Variants in COA1 observed in about 807,000 individuals in gnomAD.
COA1 encodes cytochrome c oxidase assembly factor 1 homolog.
Under a neutral mutation model 16.0 loss-of-function variants are expected in COA1, and 13 were observed. The ratio of observed to expected loss-of-function variants is 0.81; its 90% confidence interval spans 0.53 to 1.29. The LOEUF is 1.29. Among genes scored for constraint, COA1 ranks in the 50% most tolerant of loss-of-function variants. The probability of loss-of-function intolerance (pLI) is 0.00; values close to 1 mark genes in which losing one functional copy is unlikely to be tolerated. For synonymous variants in COA1, 65 were observed against 65.7 expected (o/e 0.99, Z 0.05); for missense variants, 179 against 177.0 (o/e 1.01, Z -0.06).
rs769907468 is a variant in COA1 at position 43,645,338 on chromosome 7, C to G, written c.177G>C (p.Glu59Asp). The G allele has an allele frequency of 6.2e-7, 1 of 1,614,040 alleles. No individual in the cohort carries two copies. The highest frequency in any genetic ancestry group is 2.2e-5 in the East Asian group (1 of 44,874). Residue 59 changes from glutamate (E) to aspartate (D), a missense_variant, in exon 4 of 6, where the codon GAG becomes GAC. Transcript: ENST00000223336. ...GAGGAGGGCCCAGAGCTTCCTGTGC[C>G]TCGGGATGGCTCTGCAGCTGCTCCA... ...LAVEQLQSHP[E>D]AQEALGPPLN...
chr7:43,681,588 G>T (rs548863350), intron 1 of COA1, among the ~76,000 whole-genome samples: 1 of 152,082 alleles, frequency 6.6e-6, no homozygotes, highest in Non-Finnish European at 1.5e-5. Context: ...TAATGGCAGG[G>T]TATTGTAGAC....
At chr7:43,666,651 C>T (rs542140582) in intron 1 of COA1, among the ~76,000 whole-genome samples, 2 of 152,154 alleles carry the variant, frequency 1.3e-5, no homozygotes, top group Non-Finnish European at 2.9e-5. Flanking sequence ...TGGTCTAAAT[C>T]ATACAACTTA....
intron 4 of COA1, 29 bp downstream of exon 4, chr7:43,645,222 G>C: frequency 6.2e-7 from 1 of 1,609,922 alleles, no homozygotes; most frequent in Middle Eastern, 1.7e-4. Flanking sequence ...GCAGGCACCA[G>C]CCTGCGGTTC....
chr7:43,671,093 G>C (rs561431068), intron 1 of COA1, among the ~76,000 whole-genome samples: 10 of 152,214 alleles, frequency 6.6e-5, no homozygotes, highest in African/African-American at 1.9e-4. Context: ...AATAATAAAT[G>C]AAGTTGGAAC....
chr7:43,675,566 A>G (rs895610757), intron 1 of COA1, among the ~76,000 whole-genome samples: 1 of 152,168 alleles, frequency 6.6e-6, no homozygotes, highest in Admixed American at 6.5e-5. Flanking sequence ...AAACCTGCAC[A>G]TTGTGCACAT....
At chr7:43,685,435 C>T (rs1016229944) in intron 1 of COA1, among the ~76,000 whole-genome samples, 2 of 152,182 alleles carry the variant, frequency 1.3e-5, no homozygotes, top group Non-Finnish European at 2.9e-5. Context: ...TATATATCAA[C>T]AATTTTCTCA....
intron 6 of COA1, among the ~76,000 whole-genome samples, chr7:43,629,934 G>T (rs1018788020): frequency 2.0e-5 from 3 of 152,138 alleles, no homozygotes; most frequent in Non-Finnish European, 2.9e-5. Context: ...ACTTAATTTT[G>T]GGTTTCTTTT....
At chr7:43,647,144 G>A in intron 3 of COA1, 1 of 229,494 alleles carries the variant, frequency 4.4e-6, no homozygotes, top group Admixed American at 5.2e-5. Flanking sequence ...GAATGAAAGT[G>A]CAAAAAAAGT....
intron 1 of COA1, 181 bp from the exon 2 acceptor site, chr7:43,648,833 T>A: frequency 1.8e-6 from 1 of 545,334 alleles, no homozygotes; most frequent in Non-Finnish European, 3.2e-6. Context: ...TGCTGCCAAA[T>A]TAGGAAGAAA....
chr7:43,611,251 C>T (rs932447283), intron 6 of COA1, among the ~76,000 whole-genome samples: 1 of 152,158 alleles, frequency 6.6e-6, no homozygotes, highest in African/African-American at 2.4e-5. Flanking sequence ...AAAATTTACT[C>T]GTTTCCTACA....
At chr7:43,612,233 C>T (rs2082944270) in intron 6 of COA1, among the ~76,000 whole-genome samples, 3 of 152,218 alleles carry the variant, frequency 2.0e-5, no homozygotes, top group African/African-American at 7.2e-5. Flanking sequence ...GGTTCTCAGC[C>T]TTCCTTCTGC....
intron 1 of COA1, among the ~76,000 whole-genome samples, chr7:43,723,959 G>A (rs569461999): frequency 6.6e-6 from 1 of 152,182 alleles, no homozygotes; most frequent in South Asian, 2.1e-4. Flanking sequence ...TTGGATCATA[G>A]AGATGTTTAC....
Position 43,639,367 on chromosome 7 carries a change from C to T in COA1, c.*215G>A, listed in dbSNP as rs1584146829. 7.3e-6 allele frequency: 3 copies of T among 408,452 alleles called. No individual in the cohort carries two copies. The highest frequency in any genetic ancestry group is 5.0e-5 in the South Asian group (1 of 20,188). 25.3% of individuals were successfully genotyped at this position (408,452 alleles called of 1,614,324 possible). A position where few individuals can be genotyped will look rare whatever the true frequency, so the allele number is the denominator to read the frequency against. ...TTAAATTTATAATAGGAGTTTCTTT[C>T]GGATTCAGTTTAAAAATGACAAATA... On this transcript the variant is annotated 3_prime_UTR_variant, in exon 6 of 6. Transcript: ENST00000223336.
chr7:43,692,078 AC>A (rs1189324811), intron 1 of COA1, among the ~76,000 whole-genome samples: 1 of 152,092 alleles, frequency 6.6e-6, no homozygotes, highest in East Asian at 1.9e-4. Flanking sequence ...TCACACAAAG[AC>A]CCAGAGAGAG....
intron 1 of COA1, among the ~76,000 whole-genome samples, chr7:43,669,993 T>C (rs763279130): frequency 3.0e-4 from 45 of 152,046 alleles, no homozygotes; most frequent in Non-Finnish European, 6.3e-4. Flanking sequence ...AATAGAAATC[T>C]GGGCTGAAGC....
Position 43,699,068 on chromosome 7 carries a change from C to T in COA1, c.-39+30361G>A, listed in dbSNP as rs147153197. 4.6e-5 allele frequency among the ~76,000 whole-genome samples: 7 copies of T among 152,230 alleles called. No homozygotes were observed. The East Asian group carries it at 1.2e-3, about 25-fold the overall frequency. On this transcript the variant is annotated intron_variant, in intron 1 of 5. Transcript: ENST00000223336. Reference sequence around the variant, plus strand: ...TAGGGCTTGGGAAAACTCAGAACAGCGTGGGTTAGGAAAGCTACAATTATA... The same window carrying T: ...TAGGGCTTGGGAAAACTCAGAACAGTGTGGGTTAGGAAAGCTACAATTATA...
chr7:43,684,757 C>A (rs1200797777), intron 1 of COA1, among the ~76,000 whole-genome samples: 1 of 152,146 alleles, frequency 6.6e-6, no homozygotes, highest in Non-Finnish European at 1.5e-5. Context: ...CAAAAAGTGG[C>A]ACACTCTATA....
intron 1 of COA1, among the ~76,000 whole-genome samples, chr7:43,691,297 GAA>G (rs1462906687): frequency 2.3e-5 from 2 of 87,972 alleles, no homozygotes; most frequent in Non-Finnish European, 2.2e-5. Context: ...AAGAAAGAAA[GAA>G]AGAAAGAAAG....
At chr7:43,710,396 T>TATATATATATATATA (rs1210512835) in intron 1 of COA1, among the ~76,000 whole-genome samples, 24 of 97,516 alleles carry the variant, frequency 2.5e-4, no homozygotes, top group Non-Finnish European at 4.7e-4. Flanking sequence ...ATATATATAT[T>TATATATATATATATA]TTTAAGATAT....
Sources: gnomAD v4.1 joint callset for allele counts (sites outside exome capture counted in the v4.1 genomes callset) on GRCh38, gnomAD v4.1.1 for gene constraint, MANE v1.5 for transcripts, NCBI Gene and HGNC (gene_info 2026-07-23, HGNC 2026-07-21) for gene names.